Variants in TAPT1 observed in about 807,000 individuals in gnomAD.
The protein encoded by TAPT1 is transmembrane anterior posterior transformation protein 1 homolog.
Under a neutral mutation model 65.6 loss-of-function variants are expected in TAPT1, and 28 were observed. The ratio of observed to expected loss-of-function variants is 0.43; its 90% CI spans 0.32 to 0.59. The LOEUF (loss-of-function observed/expected upper bound fraction) is 0.59, where lower values mean the gene tolerates loss of function less well. Ranked by LOEUF, TAPT1 falls within the 20% of genes least tolerant of loss-of-function variation. The pLI, the probability that TAPT1 is intolerant of heterozygous loss-of-function variation, is 0.09. For synonymous variants in TAPT1, 278 were observed against 245.2 expected, an observed-to-expected ratio of 1.13 and a Z score of -1.25; for missense variants, 563 against 679.9, an observed-to-expected ratio of 0.83 and a Z score of 1.91.
intron 11 of TAPT1, 34 bp downstream of exon 11, chr4:16,174,168 CTT>C (rs1748179437): frequency 1.4e-6 from 2 of 1,460,970 alleles, no homozygotes; most frequent in African/African-American, 1.4e-5. Context: ...ATGATGGCTA[CTT>C]TGTTACAAAA....
chr4:16,172,921 T>G (rs1748098866), intron 11 of TAPT1, among the ~76,000 whole-genome samples: 2 of 152,114 alleles, frequency 1.3e-5, no homozygotes, highest in Non-Finnish European at 2.9e-5. Context: ...CCTCCCAGGT[T>G]CAAGTGATTC....
intron 13 of TAPT1, among the ~76,000 whole-genome samples, chr4:16,165,477 G>A (rs1747543717): frequency 6.6e-6 from 1 of 151,506 alleles, no homozygotes; most frequent in South Asian, 2.1e-4. Flanking sequence ...GGCCGAGGCA[G>A]GAGAATGCCG....
chr4:16,217,165 C>T (rs955584709), intron 1 of TAPT1, among the ~76,000 whole-genome samples: 2 of 152,172 alleles, frequency 1.3e-5, no homozygotes, highest in Non-Finnish European at 2.9e-5. Context: ...CTGTCCTTTC[C>T]CCTACTCGGC....
intron 2 of TAPT1, 82 bp from the exon 3 acceptor site, chr4:16,202,662 C>A: frequency 1.4e-6 from 1 of 719,886 alleles, no homozygotes; most frequent in Non-Finnish European, 2.3e-6. Flanking sequence ...ACCAGAATTT[C>A]TAAACATTAT....
chr4:16,218,286 T>A (rs1376675724), intron 1 of TAPT1, among the ~76,000 whole-genome samples: 9 of 152,082 alleles, frequency 5.9e-5, no homozygotes, highest in Admixed American at 5.9e-4. Flanking sequence ...GTGCCTGTAA[T>A]CCCAGCTACT....
chr4:16,167,415 T>A (rs1490604062), intron 12 of TAPT1, among the ~76,000 whole-genome samples: 2 of 152,218 alleles, frequency 1.3e-5, no homozygotes, highest in Non-Finnish European at 2.9e-5. Context: ...AAAAAGAACA[T>A]AATAAAATTA....
Position 16,163,492 on chromosome 4 carries a change from GGTT to G in TAPT1, c.1517_1519del (p.Gln506del). The G allele has an allele frequency of 6.2e-7, 1 of 1,613,948 alleles. No individual in the cohort carries two copies. Among genetic ancestry groups the G allele is most frequent in the Non-Finnish European group, 8.5e-7 (1 of 1,179,874 alleles). ...TATGATATTTTCCTTTTGATGAATA[GGTT>G]GTTTGGTGATGGAGGCAGACAGGTT... On this transcript the variant is annotated inframe_deletion, in exon 14 of 14. Transcript: ENST00000405303.
At chr4:16,190,761 T>A (rs1749322171) in intron 4 of TAPT1, 1 of 154,880 alleles carries the variant, frequency 6.5e-6, no homozygotes, top group Non-Finnish European at 1.5e-5. Context: ...CAGCTCAACT[T>A]ATTTTTTATA....
intron 1 of TAPT1, among the ~76,000 whole-genome samples, chr4:16,214,968 C>G (rs1187374867): frequency 6.6e-6 from 1 of 152,070 alleles, no homozygotes; most frequent in Non-Finnish European, 1.5e-5. Flanking sequence ...GATCTAAAGC[C>G]TACATGTGAG....
intron 1 of TAPT1, among the ~76,000 whole-genome samples, chr4:16,217,192 C>T (rs1331380029): frequency 6.6e-6 from 1 of 152,162 alleles, no homozygotes; most frequent in Non-Finnish European, 1.5e-5. Context: ...AGTACCTGCA[C>T]CTGCCTATGA....
chr4:16,198,981 A>G (rs958963120), intron 3 of TAPT1, among the ~76,000 whole-genome samples: 3 of 152,196 alleles, frequency 2.0e-5, no homozygotes, highest in Admixed American at 6.5e-5. Context: ...TGCAGCCTAT[A>G]TTACTGTAAG....
intron 3 of TAPT1, among the ~76,000 whole-genome samples, chr4:16,198,090 T>A (rs936537718): frequency 6.6e-6 from 1 of 152,196 alleles, no homozygotes; most frequent in Admixed American, 6.5e-5. Context: ...CAAAACACCC[T>A]GCTGGATGAG....
Position 16,226,248 on chromosome 4 carries a change from G to T in TAPT1, c.199+11C>A. On this transcript the variant is annotated intron_variant, in intron 1 of 13. Transcript: ENST00000405303. Reference sequence around the variant, plus strand: ...TCGGAGCCCGCCACGGCCTAGCGCCGCCCGCCTCACCTGTGCGGCCCCGGC... The same window carrying T: ...TCGGAGCCCGCCACGGCCTAGCGCCTCCCGCCTCACCTGTGCGGCCCCGGC... The T allele has an allele frequency of 9.0e-7, 1 of 1,116,172 alleles. No homozygotes were observed. The highest frequency in any genetic ancestry group is 4.3e-5 in the South Asian group (1 of 23,244). 69.1% of individuals were successfully genotyped at this position (1,116,172 alleles called of 1,614,324 possible).
chr4:16,191,409 T>G lies in TAPT1; in HGVS notation c.564A>C (p.Ile188=). ...AGAGCTTGATGACGGACTGCCCCCT[T>G]ATCAGGTGGTACATCATGGAGTAGT... ...YVDYSMMYHL[I]RGQSVIKLYI... Residue 188 remains isoleucine, a synonymous_variant, in exon 4 of 14, where the codon ATA becomes ATC. Coordinates refer to ENST00000405303, the MANE Select transcript of TAPT1 (RefSeq NM_153365.3). The G allele has an allele frequency of 1.3e-6, 2 of 1,598,796 alleles. No individual in the cohort carries two copies. The highest frequency in any genetic ancestry group is 1.7e-6 in the Non-Finnish European group (2 of 1,172,530).
At chr4:16,226,853 T>C (rs993169120), upstream of TAPT1, 2 of 198,826 alleles carry the variant, frequency 1.0e-5, no homozygotes, top group South Asian at 7.0e-5. Context: ...GGGTCGGCCG[T>C]GGAGCCCCGG....
At chr4:16,193,706 T>C (rs1401729717) in intron 3 of TAPT1, among the ~76,000 whole-genome samples, 1 of 152,180 alleles carries the variant, frequency 6.6e-6, no homozygotes, top group Non-Finnish European at 1.5e-5. Context: ...CTGGCCTTGG[T>C]GTGACTGTCT....
At chr4:16,173,195 A>T (rs1290047465) in intron 11 of TAPT1, among the ~76,000 whole-genome samples, 1 of 151,666 alleles carries the variant, frequency 6.6e-6, no homozygotes, top group Non-Finnish European at 1.5e-5. Context: ...CAGCCAGCAA[A>T]TTTTTTTTTC....
rs1240529253 is a variant in TAPT1, at chr4:16,179,530, G to A, written c.997+47C>T. On this transcript the variant is annotated intron_variant, in intron 8 of 13. Transcript: ENST00000405303. ...TATTCCATGTAAAAGAATGATTTTG[G>A]CTTAGAAGTAAAATTATAAGACACT... 8.8e-6 allele frequency: 10 copies of A among 1,136,866 alleles called. 1 individual carries two copies. Among genetic ancestry groups the A allele is most frequent in the Non-Finnish European group, 1.2e-5 (10 of 816,120 alleles). The allele number at this position is 1,136,866 out of a possible 1,614,324, so 70.4% of individuals were successfully genotyped here.
intron 4 of TAPT1, chr4:16,190,890 G>C (rs901382597): frequency 6.4e-6 from 1 of 155,428 alleles, no homozygotes; most frequent in Non-Finnish European, 1.5e-5. Flanking sequence ...GAATTTAAAT[G>C]TGCAACTTAA....
Sources: allele counts gnomAD v4.1 joint callset (sites outside exome capture counted in the v4.1 genomes callset), GRCh38; gene constraint gnomAD v4.1.1; transcripts MANE v1.5; gene names NCBI Gene and HGNC (gene_info 2026-07-23, HGNC 2026-07-21).